The following RAP1GAP2 variants were observed in gnomAD, a reference collection of about 807,000 sequenced individuals.
RAP1GAP2 encodes the protein rap1 GTPase-activating protein 2.
RAP1GAP2 carries 27 observed loss-of-function variants against 95.0 expected under a neutral mutation model. The ratio of observed to expected loss-of-function variants is 0.28; its 90% CI spans 0.21 to 0.39. The LOEUF (loss-of-function observed/expected upper bound fraction) is 0.39, where lower values mean the gene tolerates loss of function less well. Ranked by LOEUF, RAP1GAP2 falls within the 10% of genes least tolerant of loss-of-function variation. The probability of loss-of-function intolerance (pLI) is 1.00; values close to 1 mark genes in which losing one functional copy is unlikely to be tolerated. For synonymous variants in RAP1GAP2, 373 were observed against 380.9 expected (o/e 0.98, Z 0.24); for missense variants, 771 against 970.0 (o/e 0.79, Z 2.72).
intron 2 of RAP1GAP2, among the ~76,000 whole-genome samples, chr17:2,814,584 G>T (rs2069920630): frequency 6.6e-6 from 1 of 152,112 alleles, no homozygotes; most frequent in African/African-American, 2.4e-5. Flanking sequence ...GTTTCTGTCT[G>T]AGTTCCTCCC....
chr17:2,854,563 G>A (rs1009428689), intron 2 of RAP1GAP2, among the ~76,000 whole-genome samples: 4 of 152,274 alleles, frequency 2.6e-5, no homozygotes. Context: ...AAGTTTGGAG[G>A]TTGTTCGCTC....
chr17:2,980,697 C>T (rs560211989), intron 9 of RAP1GAP2, among the ~76,000 whole-genome samples: 1 of 152,196 alleles, frequency 6.6e-6, no homozygotes, highest in South Asian at 2.1e-4. Context: ...TGTAGGACTT[C>T]CGTGGAGGGG....
At chr17:2,873,026 C>T (rs532471204) in intron 2 of RAP1GAP2, among the ~76,000 whole-genome samples, 21 of 150,886 alleles carry the variant, frequency 1.4e-4, no homozygotes, top group Middle Eastern at 6.8e-3. Flanking sequence ...TCGCTTGAAC[C>T]CGAGGGGCGG....
intron 3 of RAP1GAP2, among the ~76,000 whole-genome samples, chr17:2,920,556 G>C (rs944643089): frequency 2.0e-5 from 3 of 152,240 alleles, no homozygotes; most frequent in African/African-American, 7.2e-5. Context: ...CCAACTGTGT[G>C]ACATCGTGCA....
chr17:2,965,328 G>A lies in RAP1GAP2; in HGVS notation c.493-212G>A, dbSNP rs539999288. On this transcript the variant is annotated intron_variant, in intron 7 of 24. Transcript: ENST00000254695. This position sits in a 1 kb window ranked among gnomAD's most constrained non-coding sequence, Gnocchi z 4.7. ...GGATACAGCTGTGGTCAGGACTGAA[G>A]GAGATAGTGGGTATTAAGCCCCTGG... 38 of 579,098 alleles carry A rather than the reference G, an allele frequency of 6.6e-5. No homozygotes were observed. The highest frequency in any genetic ancestry group is 9.6e-5 in the Non-Finnish European group (31 of 323,306). The allele number at this position is 579,098 out of a possible 1,614,324, so 35.9% of individuals were successfully genotyped here.
rs541782918 is a variant in RAP1GAP2, at chr17:2,763,512, A to C, written c.51-6817A>C. ...GGAGTTCAAGACCAGGCTGGCAATC[A>C]TGGTGCAACCCTGTCTCTACTAAAA... On this transcript the variant is annotated intron_variant, in intron 1 of 25. Coordinates refer to the RAP1GAP2 transcript ENST00000637138. 4.6e-5 allele frequency among the ~76,000 whole-genome samples: 7 copies of C among 152,218 alleles called. No homozygotes were observed. The South Asian group carries it at 1.4e-3, about 32-fold the overall frequency.
intron 2 of RAP1GAP2, among the ~76,000 whole-genome samples, chr17:2,810,121 G>T (rs2069701873): frequency 6.6e-6 from 1 of 150,536 alleles, no homozygotes. Context: ...AGCAGGAGTT[G>T]CTAGGGCTGG....
chr17:2,920,576 T>A (rs1411959627), intron 3 of RAP1GAP2, among the ~76,000 whole-genome samples: 2 of 152,242 alleles, frequency 1.3e-5, no homozygotes, highest in East Asian at 3.8e-4. Context: ...AGTTCAGTCA[T>A]CTTCTGTGGA....
intron 3 of RAP1GAP2, among the ~76,000 whole-genome samples, chr17:2,933,662 G>A (rs2043222778): frequency 6.6e-6 from 1 of 152,222 alleles, no homozygotes; most frequent in Non-Finnish European, 1.5e-5. Flanking sequence ...CTTTGCCTGG[G>A]CTGTTCCCTC....
At chr17:2,805,014 G>T (rs965032365) in intron 2 of RAP1GAP2, among the ~76,000 whole-genome samples, 1 of 152,212 alleles carries the variant, frequency 6.6e-6, no homozygotes, top group African/African-American at 2.4e-5. Flanking sequence ...GTGAGTGAAT[G>T]CATGGCTGTG....
At chr17:2,923,474 G>T (rs372207509) in intron 3 of RAP1GAP2, among the ~76,000 whole-genome samples, 1 of 151,048 alleles carries the variant, frequency 6.6e-6, no homozygotes, top group African/African-American at 2.4e-5. Flanking sequence ...GATTACAGAC[G>T]CATACCACCA....
At chr17:2,880,870 G>A (rs1302622399) in intron 2 of RAP1GAP2, among the ~76,000 whole-genome samples, 1 of 152,086 alleles carries the variant, frequency 6.6e-6, no homozygotes, top group Admixed American at 6.5e-5. Context: ...CTCACGCCTG[G>A]AATCCCAGCA....
rs183410287 is a variant in RAP1GAP2, at chr17:2,915,036, C to T, written c.165+9668C>T. Among the ~76,000 whole-genome samples, 435 of 151,774 alleles carry T rather than the reference C, an allele frequency of 2.9e-3. 16 individuals carry two copies. The East Asian group carries it at 0.067, about 23-fold the overall frequency. ...TGAACTCCTGACCTCGTGATCCGCC[C>T]GCCTCGGCCTCCCAAAGTGCTGGGA... On this transcript the variant is annotated intron_variant, in intron 3 of 24. Coordinates refer to ENST00000254695, the MANE Select transcript of RAP1GAP2 (RefSeq NM_015085.5).
At chr17:2,945,851 A>T (rs1050370933) in intron 3 of RAP1GAP2, among the ~76,000 whole-genome samples, 2 of 151,710 alleles carry the variant, frequency 1.3e-5, no homozygotes, top group African/African-American at 4.8e-5. Context: ...GTACAGTGGC[A>T]CAATCTGGGC....
chr17:2,818,175 A>G (rs1480779249), intron 2 of RAP1GAP2, among the ~76,000 whole-genome samples: 3 of 151,922 alleles, frequency 2.0e-5, no homozygotes, highest in Non-Finnish European at 4.4e-5. Context: ...AAATTAAAGA[A>G]ATAAAACACA....
intron 3 of RAP1GAP2, among the ~76,000 whole-genome samples, chr17:2,946,980 C>T (rs1319073709): frequency 6.6e-6 from 1 of 152,210 alleles, no homozygotes; most frequent in African/African-American, 2.4e-5. Context: ...GTCTTGAACG[C>T]CTGACCCCAG....
At chr17:2,968,984 T>C (rs562753349) in intron 8 of RAP1GAP2, among the ~76,000 whole-genome samples, 1 of 152,188 alleles carries the variant, frequency 6.6e-6, no homozygotes, top group Admixed American at 6.5e-5. Flanking sequence ...TGATATTTTA[T>C]ATTGTCAGTA....
chr17:3,011,730 C>T (rs777998059), intron 17 of RAP1GAP2, among the ~76,000 whole-genome samples: 24 of 151,440 alleles, frequency 1.6e-4, no homozygotes, highest in Non-Finnish European at 3.1e-4. Context: ...AGCGATTCTC[C>T]TGCCTCAGCC....
intron 4 of RAP1GAP2, among the ~76,000 whole-genome samples, chr17:2,959,682 G>C (rs1187723685): frequency 6.6e-6 from 1 of 152,232 alleles, no homozygotes; most frequent in Non-Finnish European, 1.5e-5. Context: ...CCAAGAGTCT[G>C]GGAACTGGGA....
Sources: gnomAD v4.1 joint callset for allele counts (sites outside exome capture counted in the v4.1 genomes callset) on GRCh38, gnomAD v4.1.1 for gene constraint, Gnocchi (gnomAD v3.1) non-coding constraint, MANE v1.5 for transcripts, NCBI Gene and HGNC (gene_info 2026-07-23, HGNC 2026-07-21) for gene names.